The following CCND3 variants were observed in gnomAD, a reference collection of about 807,000 sequenced individuals.
CCND3 encodes the protein G1/S-specific cyclin-D3.
In CCND3, 9 loss-of-function variants were observed where a neutral mutation model predicts 28.7. That is an observed-to-expected ratio of 0.31 (90% CI 0.19 to 0.55). CCND3 has a LOEUF of 0.55. CCND3 is among the 20% of genes least tolerant of loss of function. CCND3 has a pLI of 0.93. For missense variants in CCND3, 315 were observed against 385.8 expected (o/e 0.82, Z 1.54); for synonymous variants, 164 against 163.9 (o/e 1.00, Z 0.00).
At position 41,989,454 on chromosome 6, in the gene CCND3, C is replaced by CAAAAAAAAA. The variant is rs35776222; in HGVS notation, c.-45-48878_-45-48870dup. On this transcript the variant is annotated intron_variant, in intron 1 of 4. Transcript: ENST00000372988. ...GGGCGACAAGAGTGAAACACTGTCT[C>CAAAAAAAAA]AAAAAAAAAAAACAAAAAAAAAAAA... is the stretch of plus-strand genomic sequence containing the variant. Among the ~76,000 whole-genome samples, 7 of 21,710 alleles carry CAAAAAAAAA rather than the reference C, an allele frequency of 3.2e-4. 3 individuals carry two copies. Among genetic ancestry groups the CAAAAAAAAA allele is most frequent in the Non-Finnish European group, 4.4e-4 (4 of 9,130 alleles). 14.2% of individuals were successfully genotyped at this position (21,710 alleles called of 152,430 possible).
intron 1 of CCND3, among the ~76,000 whole-genome samples, chr6:42,042,377 T>G (rs892587991): frequency 6.7e-6 from 1 of 150,106 alleles, no homozygotes; most frequent in Non-Finnish European, 1.5e-5. Flanking sequence ...TTTTTTTTTT[T>G]GAGACGGAGT....
At position 41,940,524 on chromosome 6, in the gene CCND3, C is replaced by T. The variant is rs780693475; in HGVS notation, c.260G>A (p.Arg87His). Residue 87 changes from arginine (R) to histidine (H), a missense_variant, in exon 2 of 5, where the codon CGC becomes CAC. Physicochemically the swap from Arg to His is conservative, Grantham distance 29. Transcript: ENST00000372991. ...TCGGGTGGGGACGCAAGACAGGTAG[C>T]GATCCAGGTAGTTCATGGCCAGGGG... Reference protein sequence around the residue: ...VFPLAMNYLDRYLSCVPTRKA... With the variant: ...VFPLAMNYLDHYLSCVPTRKA... 2 of 1,613,884 alleles carry T rather than the reference C, an allele frequency of 1.2e-6. No homozygotes were observed. Among genetic ancestry groups the T allele is most frequent in the East Asian group, 2.2e-5 (1 of 44,844 alleles).
chr6:42,037,521 C>T (rs1218860364), intron 1 of CCND3, among the ~76,000 whole-genome samples: 2 of 151,914 alleles, frequency 1.3e-5, no homozygotes, highest in Non-Finnish European at 1.5e-5. Flanking sequence ...AGGCGTGAGC[C>T]ACCGCGCCTG....
In CCND3 at chr6:41,940,598, G is replaced by T. The variant is rs775554469; in HGVS notation, c.199-13C>A. Reference sequence around the variant, plus strand: ...GCTCCTCACATACCTGGGGGAGGGCGCACAGTCACTGCTGGGTCTGGAGCG... The same window carrying T: ...GCTCCTCACATACCTGGGGGAGGGCTCACAGTCACTGCTGGGTCTGGAGCG... On this transcript the variant is annotated splice_polypyrimidine_tract_variant and intron_variant, in intron 1 of 4. Coordinates refer to ENST00000372991, the MANE Select transcript of CCND3 (RefSeq NM_001760.5). 9 of 1,580,034 alleles carry T rather than the reference G, an allele frequency of 5.7e-6. No homozygotes were observed. The highest frequency in any genetic ancestry group is 1.7e-4 in the Middle Eastern group (1 of 5,936).
intron 1 of CCND3, 32 bp from the exon 2 acceptor site, chr6:41,940,617 T>C: frequency 1.4e-6 from 2 of 1,415,034 alleles, no homozygotes; most frequent in Non-Finnish European, 9.7e-7. Context: ...CTGCTGGGTC[T>C]GGAGCGTGGG....
chr6:41,991,497 T>C (rs1762648916), intron 1 of CCND3, among the ~76,000 whole-genome samples: 1 of 152,242 alleles, frequency 6.6e-6, no homozygotes, highest in South Asian at 2.1e-4. Context: ...ATTGTACATA[T>C]TTATGGGGTA....
chr6:41,938,936 C>G lies in CCND3; in HGVS notation c.414+1434G>C, dbSNP rs147459867. ...AGTCTTTTGGGCACTCCACCCCCAG[C>G]TCAGGCAGAGGGAAGAGTACTTTTT... On this transcript the variant is annotated intron_variant, in intron 2 of 4. Coordinates refer to ENST00000372991, the MANE Select transcript of CCND3 (RefSeq NM_001760.5). This position sits in a 1 kb window ranked among gnomAD's most constrained non-coding sequence, Gnocchi z 4.6. 3.0e-4 allele frequency among the ~76,000 whole-genome samples: 46 copies of G among 152,292 alleles called. No individual in the cohort carries two copies. In the East Asian group the frequency reaches 7.7e-3, roughly 26 times the overall value.
intron 1 of CCND3, among the ~76,000 whole-genome samples, chr6:41,989,472 A>C (rs1226039945): frequency 2.0e-5 from 3 of 151,204 alleles, no homozygotes; most frequent in Middle Eastern, 6.4e-3. Flanking sequence ...AAAAACAAAA[A>C]AAAAAAACAG....
chr6:41,952,896 A>G (rs757811609), intron 1 of CCND3, among the ~76,000 whole-genome samples: 1 of 152,196 alleles, frequency 6.6e-6, no homozygotes, highest in Non-Finnish European at 1.5e-5. Context: ...AATATTACAT[A>G]GACAATAGCA....
intron 1 of CCND3, among the ~76,000 whole-genome samples, chr6:42,003,970 A>G (rs1027313576): frequency 1.3e-5 from 2 of 151,692 alleles, no homozygotes; most frequent in African/African-American, 4.8e-5. Context: ...TTTAACATCA[A>G]AAAGACTAAC....
chr6:42,029,229 G>T (rs1763976440), intron 1 of CCND3, among the ~76,000 whole-genome samples: 2 of 151,760 alleles, frequency 1.3e-5, no homozygotes, highest in Non-Finnish European at 2.9e-5. Context: ...GGCCTGAAGA[G>T]ATCCTCCCGC....
Position 42,028,719 on chromosome 6 carries a change from T to C in CCND3, c.-46+19782A>G, listed in dbSNP as rs146018792. ...AGCGGGATGACCTCAGCAAGGGAGATGACTCAGCTAAAGCTTCAGTTTCCT... is the reference window on the plus strand; with the variant it reads ...AGCGGGATGACCTCAGCAAGGGAGACGACTCAGCTAAAGCTTCAGTTTCCT... On this transcript the variant is annotated intron_variant, in intron 1 of 4. Transcript: ENST00000372988. Among the ~76,000 whole-genome samples, 9 of 152,298 alleles carry C rather than the reference T, an allele frequency of 5.9e-5. No homozygotes were observed. The East Asian group carries it at 1.4e-3, about 23-fold the overall frequency.
chr6:41,986,115 C>T (rs1295799536), intron 1 of CCND3, among the ~76,000 whole-genome samples: 2 of 151,990 alleles, frequency 1.3e-5, no homozygotes, highest in Non-Finnish European at 2.9e-5. Flanking sequence ...TCTGGGTTCC[C>T]TATTCTGTTC....
chr6:41,971,493 G>A (rs1256937952), intron 1 of CCND3, among the ~76,000 whole-genome samples: 1 of 151,984 alleles, frequency 6.6e-6, no homozygotes, highest in East Asian at 1.9e-4. Context: ...GGCTGAGAGA[G>A]GTGGAGTACC....
intron 1 of CCND3, among the ~76,000 whole-genome samples, chr6:41,988,699 CTTTT>C (rs758582662): frequency 1.0e-4 from 10 of 96,708 alleles, no homozygotes; most frequent in South Asian, 3.1e-4. Flanking sequence ...AACTTCTTTT[CTTTT>C]TTTTTTTTTT....
intron 1 of CCND3, among the ~76,000 whole-genome samples, chr6:42,024,617 C>G (rs1244178647): frequency 6.6e-6 from 1 of 151,986 alleles, no homozygotes; most frequent in Admixed American, 6.6e-5. Context: ...AGGCTGGGGC[C>G]ACTCAGAAGT....
chr6:41,939,344 T>A lies in CCND3; in HGVS notation c.414+1026A>T, dbSNP rs1775914397. The stretch of plus-strand genomic sequence containing the variant: ...CTCCTCTCAGGGTCAGCAGAAGACT[T>A]GGCCCGCCACAGAGCAAGGTGGAGG... On this transcript the variant is annotated intron_variant, in intron 2 of 4. Transcript: ENST00000372991. This position sits in a 1 kb window ranked among gnomAD's most constrained non-coding sequence, Gnocchi z 4.2. 6.6e-6 allele frequency among the ~76,000 whole-genome samples: 1 copy of A among 152,048 alleles called. No homozygotes were observed. The highest frequency in any genetic ancestry group is 6.5e-5 in the Admixed American group (1 of 15,272).
chr6:42,012,190 A>G (rs1261652770), intron 1 of CCND3, among the ~76,000 whole-genome samples: 3 of 152,176 alleles, frequency 2.0e-5, no homozygotes, highest in Non-Finnish European at 4.4e-5. Flanking sequence ...TCATTTCTGT[A>G]AAGCATAACA....
intron 1 of CCND3, among the ~76,000 whole-genome samples, chr6:41,995,400 G>A (rs1762772020): frequency 6.6e-6 from 1 of 152,028 alleles, no homozygotes; most frequent in Non-Finnish European, 1.5e-5. Flanking sequence ...TTGGACTACA[G>A]GCACCCACCA....
Sources: allele counts gnomAD v4.1 joint callset (sites outside exome capture counted in the v4.1 genomes callset), GRCh38; gene constraint gnomAD v4.1.1; non-coding constraint Gnocchi (gnomAD v3.1); transcripts MANE v1.5; gene names NCBI Gene and HGNC (gene_info 2026-07-23, HGNC 2026-07-21).